Variants in TLL2 observed in about 807,000 individuals in gnomAD.
TLL2 encodes the protein tolloid-like protein 2.
Under a neutral mutation model 123.0 loss-of-function variants are expected in TLL2, and 106 were observed. The ratio of observed to expected loss-of-function variants is 0.86; its 90% CI spans 0.74 to 1.01. The LOEUF is 1.01. Ranked by LOEUF, TLL2 falls within the 50% of genes least tolerant of loss-of-function variation. TLL2 has a pLI of 0.00. For missense variants in TLL2, 1,332 were observed against 1,336.7 expected (o/e 1.00, Z 0.06); for synonymous variants, 494 against 516.8 (o/e 0.96, Z 0.60).
At chr10:96,382,318 C>T (rs1297774829) in intron 16 of TLL2, among the ~76,000 whole-genome samples, 1 of 152,236 alleles carries the variant, frequency 6.6e-6, no homozygotes, top group East Asian at 1.9e-4. Flanking sequence ...CATGAGCCAC[C>T]ATGCCCGGCC....
chr10:96,499,170 T>G (rs1378613256), intron 1 of TLL2, among the ~76,000 whole-genome samples: 1 of 152,206 alleles, frequency 6.6e-6, no homozygotes, highest in Admixed American at 6.5e-5. Context: ...CTTGCACCCA[T>G]GGGAAGGGCT....
rs562491354 is a variant in TLL2 at position 96,492,224 on chromosome 10, GA to G, written c.176-11766del. ...TGTCCCCTTTCTATAGAAGGGAGAG[GA>G]AAAAAAAAAAAAAGGCCATGAGGGA... On this transcript the variant is annotated intron_variant, in intron 1 of 20. Coordinates refer to ENST00000357947, the MANE Select transcript of TLL2 (RefSeq NM_012465.4). Among the ~76,000 whole-genome samples the G allele has an allele frequency of 3.9e-3, 513 of 132,736 alleles. 1 individual carries two copies. Among genetic ancestry groups the G allele is most frequent in the Middle Eastern group, 0.015 (4 of 268 alleles). The allele number at this position is 132,736 out of a possible 152,430, so 87.1% of individuals were successfully genotyped here. A position where few individuals can be genotyped will look rare whatever the true frequency, so the allele number is the denominator to read the frequency against.
intron 1 of TLL2, among the ~76,000 whole-genome samples, chr10:96,510,909 A>G (rs1321704084): frequency 1.3e-5 from 2 of 152,196 alleles, no homozygotes; most frequent in Non-Finnish European, 2.9e-5. Flanking sequence ...CTCTCTGGAC[A>G]TGTCACTTTG....
chr10:96,424,482 A>G (rs1226914996), intron 5 of TLL2, among the ~76,000 whole-genome samples: 1 of 152,166 alleles, frequency 6.6e-6, no homozygotes, highest in Non-Finnish European at 1.5e-5. Flanking sequence ...TTTAAGTCCT[A>G]TTTCCCTCAT....
chr10:96,433,046 A>G, intron 3 of TLL2, 84 bp from the exon 4 acceptor site: 1 of 1,528,300 alleles, frequency 6.5e-7, no homozygotes. Flanking sequence ...CCACAATTCC[A>G]AAAAGGGGGT....
intron 1 of TLL2, among the ~76,000 whole-genome samples, chr10:96,481,346 G>T (rs1417328970): frequency 6.6e-6 from 1 of 152,002 alleles, no homozygotes; most frequent in African/African-American, 2.4e-5. Context: ...ACAGGGTCTC[G>T]CTATGTTGTG....
At chr10:96,476,238 A>T (rs367634808) in intron 2 of TLL2, among the ~76,000 whole-genome samples, 279 of 17,484 alleles carry the variant, frequency 0.016, 17 homozygotes, top group East Asian at 0.087. Flanking sequence ...ATATATATAT[A>T]TATTTTATTT....
In TLL2 at chr10:96,465,824, G is replaced by C. The variant is rs555701011; in HGVS notation, c.286+14525C>G. Among the ~76,000 whole-genome samples the C allele has an allele frequency of 3.9e-5, 6 of 152,352 alleles. No homozygotes were observed. In the South Asian group the frequency reaches 1.2e-3, roughly 32 times the overall value. Reference sequence around the variant, plus strand: ...TGCGGCTCACCATGGAGTGCAACCTGTTGTTACGCAACTCTGTTGATCGTT... The same window carrying C: ...TGCGGCTCACCATGGAGTGCAACCTCTTGTTACGCAACTCTGTTGATCGTT... On this transcript the variant is annotated intron_variant, in intron 2 of 20. Transcript: ENST00000357947.
chr10:96,426,298 G>A (rs1846677193), intron 5 of TLL2, among the ~76,000 whole-genome samples: 1 of 152,026 alleles, frequency 6.6e-6, no homozygotes, highest in South Asian at 2.1e-4. Context: ...ATTTTGCATG[G>A]CTATTCACAT....
At chr10:96,498,047 T>C (rs776078936) in intron 1 of TLL2, among the ~76,000 whole-genome samples, 5 of 152,204 alleles carry the variant, frequency 3.3e-5, no homozygotes, top group Non-Finnish European at 7.3e-5. Flanking sequence ...CCAAAGCTTC[T>C]TGGGCTCTAA....
At position 96,410,354 on chromosome 10, in the gene TLL2, C is replaced by T. The variant is rs376872461; in HGVS notation, c.1164+5G>A. On this transcript the variant is annotated splice_donor_5th_base_variant and intron_variant, in intron 9 of 20. Coordinates refer to ENST00000357947, the MANE Select transcript of TLL2 (RefSeq NM_012465.4). ...TCCCATTTGCCAAGGGGGCTTCCCA[C>T]CTACCTTTTCCCCTGGGGTGACCGA... The T allele has an allele frequency of 3.1e-6, 5 of 1,611,342 alleles. No individual in the cohort carries two copies. The African/African-American group carries it at 6.7e-5, about 22-fold the overall frequency.
At chr10:96,445,664 TC>T (rs1303899163) in intron 3 of TLL2, among the ~76,000 whole-genome samples, 1 of 152,136 alleles carries the variant, frequency 6.6e-6, no homozygotes, top group Admixed American at 6.5e-5. Flanking sequence ...CAACTCACGA[TC>T]CATGCACAAG....
chr10:96,408,009 C>T (rs1055345776), intron 9 of TLL2, among the ~76,000 whole-genome samples: 9 of 152,340 alleles, frequency 5.9e-5, no homozygotes, highest in Admixed American at 2.0e-4. Context: ...AAACACCCTT[C>T]CTTCCATTAA....
intron 10 of TLL2, among the ~76,000 whole-genome samples, chr10:96,398,126 G>A (rs1045864247): frequency 6.6e-6 from 1 of 152,200 alleles, no homozygotes; most frequent in Non-Finnish European, 1.5e-5. Context: ...TTCAGGCAAA[G>A]TGTGGCAGGA....
intron 18 of TLL2, chr10:96,375,334 A>G (rs1052428834): frequency 6.6e-6 from 1 of 152,204 alleles, no homozygotes; most frequent in African/African-American, 2.4e-5. Context: ...AAAGCGCGCA[A>G]TCAATATAGC....
Position 96,410,414 on chromosome 10 carries a change from C to T in TLL2, c.1109G>A (p.Gly370Glu), listed in dbSNP as rs747698987. 17 of 1,613,976 alleles carry T rather than the reference C, an allele frequency of 1.1e-5. No homozygotes were observed. Among genetic ancestry groups the T allele is most frequent in the East Asian group, 2.2e-5 (1 of 44,870 alleles). Residue 370 changes from glycine to glutamate, a missense_variant, in exon 9 of 21, where the codon GGG becomes GAG. Coordinates refer to ENST00000357947, the MANE Select transcript of TLL2 (RefSeq NM_012465.4). ...GNFSAPGFPNGYPSYSHCVWR... is the reference protein window; with the variant it reads ...GNFSAPGFPNEYPSYSHCVWR... ...GACGCAGTGGGAGTAAGATGGGTAC[C>T]CATTTGGGAAACCAGGTGCAGAAAA... is the stretch of plus-strand genomic sequence containing the variant.
At chr10:96,503,721 C>T (rs1374918665) in intron 1 of TLL2, among the ~76,000 whole-genome samples, 1 of 152,168 alleles carries the variant, frequency 6.6e-6, no homozygotes, top group African/African-American at 2.4e-5. Flanking sequence ...CATTTTGACA[C>T]CTGGTATTAT....
intron 2 of TLL2, among the ~76,000 whole-genome samples, chr10:96,471,812 G>A (rs909881289): frequency 2.0e-5 from 3 of 152,060 alleles, no homozygotes; most frequent in African/African-American, 7.2e-5. Flanking sequence ...CAGTGGGGAG[G>A]CACACCAAAG....
At position 96,470,651 on chromosome 10, in the gene TLL2, T is replaced by C. The variant is rs528084039; in HGVS notation, c.286+9698A>G. On this transcript the variant is annotated intron_variant, in intron 2 of 20. Coordinates refer to ENST00000357947, the MANE Select transcript of TLL2 (RefSeq NM_012465.4). ...TGCCAGTGTCTGTTTCTAGAAGCAA[T>C]GGAGTGTAGGAGCTAAACACAGGGC... is the stretch of plus-strand genomic sequence containing the variant. Among the ~76,000 whole-genome samples the C allele has an allele frequency of 3.9e-5, 6 of 152,238 alleles. No individual in the cohort carries two copies. The South Asian group carries it at 1.2e-3, about 32-fold the overall frequency.
Sources: gnomAD v4.1 joint callset for allele counts (sites outside exome capture counted in the v4.1 genomes callset) on GRCh38, gnomAD v4.1.1 for gene constraint, MANE v1.5 for transcripts, NCBI Gene and HGNC (gene_info 2026-07-23, HGNC 2026-07-21) for gene names.